SYN3: variants seen among roughly 807,000 people sequenced by gnomAD.
The protein encoded by SYN3 is synapsin III, also known as synapsin-3.
Under a neutral mutation model 65.8 loss-of-function variants are expected in SYN3, and 35 were observed. The observed-to-expected ratio is 0.53, with a 90% CI of 0.41 to 0.70. The LOEUF (loss-of-function observed/expected upper bound fraction) is 0.70. Ranked by LOEUF, SYN3 falls within the 30% of genes least tolerant of loss-of-function variation. The pLI is 0.00. For synonymous variants in SYN3, 270 were observed against 292.9 expected, an observed-to-expected ratio of 0.92 and a Z score of 0.80; for missense variants, 680 against 749.0, an observed-to-expected ratio of 0.91 and a Z score of 1.08.
intron 6 of SYN3, among the ~76,000 whole-genome samples, chr22:32,834,867 TC>T (rs2047684109): frequency 6.6e-6 from 1 of 152,082 alleles, no homozygotes; most frequent in South Asian, 2.1e-4. Flanking sequence ...TGTGGAACAG[TC>T]CTAAAGAATC....
At chr22:32,528,759 T>C in intron 11 of SYN3, 115 bp downstream of exon 11, 1 of 1,426,970 alleles carries the variant, frequency 7.0e-7, no homozygotes, top group Non-Finnish European at 9.5e-7. Context: ...CCATTCCTTC[T>C]CCCCAAGGTG....
chr22:32,760,474 G>A (rs963528378), intron 6 of SYN3, among the ~76,000 whole-genome samples: 7 of 152,116 alleles, frequency 4.6e-5, no homozygotes, highest in Non-Finnish European at 8.8e-5. Context: ...GGTAAGTAAT[G>A]TCATGTGCCC....
At chr22:32,929,053 C>T (rs1386075434) in intron 4 of SYN3, among the ~76,000 whole-genome samples, 4 of 152,132 alleles carry the variant, frequency 2.6e-5, no homozygotes, top group Non-Finnish European at 5.9e-5. Flanking sequence ...GAGGCCAAGG[C>T]CGGGGGATCT....
intron 5 of SYN3, among the ~76,000 whole-genome samples, chr22:32,867,634 G>A (rs1422932331): frequency 6.6e-6 from 1 of 152,190 alleles, no homozygotes; most frequent in Admixed American, 6.5e-5. Flanking sequence ...CCAGGCTGGA[G>A]CGCAGTGGCG....
At chr22:32,793,111 C>T (rs2097601444) in intron 6 of SYN3, among the ~76,000 whole-genome samples, 1 of 152,146 alleles carries the variant, frequency 6.6e-6, no homozygotes, top group Non-Finnish European at 1.5e-5. Flanking sequence ...TGCCAAGTTC[C>T]CTTCTCTTTT....
chr22:32,699,317 G>A (rs566626955), intron 6 of SYN3, among the ~76,000 whole-genome samples: 6 of 152,336 alleles, frequency 3.9e-5, no homozygotes, highest in South Asian at 4.1e-4. Flanking sequence ...CACATGGGCC[G>A]TTGGGCTCCC....
intron 6 of SYN3, among the ~76,000 whole-genome samples, chr22:32,683,681 A>G (rs1277193820): frequency 6.6e-6 from 1 of 152,108 alleles, no homozygotes; most frequent in African/African-American, 2.4e-5. Flanking sequence ...TAAGGACAAC[A>G]GTGATATTGT....
intron 6 of SYN3, among the ~76,000 whole-genome samples, chr22:32,736,552 A>G (rs1168148799): frequency 6.6e-6 from 1 of 152,160 alleles, no homozygotes; most frequent in African/African-American, 2.4e-5. Context: ...GGGTCCCCAC[A>G]ATGATCTTAT....
intron 4 of SYN3, among the ~76,000 whole-genome samples, chr22:32,895,662 C>A (rs2049572072): frequency 6.6e-6 from 1 of 152,184 alleles, no homozygotes; most frequent in Admixed American, 6.5e-5. Flanking sequence ...CTGTTACTTG[C>A]AGCTAAAAGC....
intron 3 of SYN3, among the ~76,000 whole-genome samples, chr22:32,977,000 G>C (rs564879361): frequency 9.2e-5 from 14 of 151,984 alleles, no homozygotes; most frequent in African/African-American, 2.9e-4. Context: ...TTCCTGGGGG[G>C]GGGGTTGCTT....
chr22:32,647,190 C>G (rs1416191960), intron 6 of SYN3, among the ~76,000 whole-genome samples: 2 of 152,148 alleles, frequency 1.3e-5, no homozygotes, highest in Non-Finnish European at 2.9e-5. Flanking sequence ...TGCCCCTCTG[C>G]ATGTCTATGA....
At chr22:32,913,462 C>A (rs1220318839) in intron 4 of SYN3, among the ~76,000 whole-genome samples, 1 of 151,500 alleles carries the variant, frequency 6.6e-6, no homozygotes. Flanking sequence ...ACAGCCAAGT[C>A]TATTATTTTT....
At chr22:32,840,914 C>A (rs140655869) in intron 6 of SYN3, among the ~76,000 whole-genome samples, 2 of 152,312 alleles carry the variant, frequency 1.3e-5, no homozygotes, top group African/African-American at 4.8e-5. Context: ...CCTTATGTAT[C>A]TCTCTATCCC....
chr22:32,611,803 G>A (rs1051179920), intron 6 of SYN3, among the ~76,000 whole-genome samples: 1 of 152,164 alleles, frequency 6.6e-6, no homozygotes, highest in African/African-American at 2.4e-5. Flanking sequence ...CTGAGTGACA[G>A]GGGTGCTGGG....
intron 1 of SYN3, among the ~76,000 whole-genome samples, chr22:33,044,446 C>G (rs1370983224): frequency 6.6e-6 from 1 of 152,170 alleles, no homozygotes; most frequent in African/African-American, 2.4e-5. Context: ...ACTTTAGACT[C>G]ACAGACTCAT....
At chr22:32,734,308 C>T (rs2061308832) in intron 6 of SYN3, among the ~76,000 whole-genome samples, 1 of 152,222 alleles carries the variant, frequency 6.6e-6, no homozygotes, top group South Asian at 2.1e-4. Context: ...ACCTTATCCG[C>T]TCTATCATCT....
rs1375923477 is a variant in SYN3, at chr22:32,859,127, C to T, written c.711+5788G>A. ...TGAATCCAGGCTCGGTAGCCTCAGG[C>T]CTGGGCATACCATGGCAGAGTCCAT... On this transcript the variant is annotated intron_variant, in intron 6 of 13. Coordinates refer to ENST00000358763, the MANE Select transcript of SYN3 (RefSeq NM_003490.4). 6.2e-6 allele frequency: 10 copies of T among 1,600,318 alleles called. No homozygotes were observed. The South Asian group carries it at 9.9e-5, about 16-fold the overall frequency.
chr22:32,779,452 T>A lies in SYN3; in HGVS notation c.711+85463A>T, dbSNP rs1389170673. On this transcript the variant is annotated intron_variant, in intron 6 of 13. Transcript: ENST00000358763. ...TCCAGCCTGGGCAACAGCGTGAGAT[T>A]CTGTCTCGAAAAACAAAAACAAACA... 3.3e-5 allele frequency among the ~76,000 whole-genome samples: 5 copies of A among 151,912 alleles called. 1 individual carries two copies. The highest frequency in any genetic ancestry group is 3.3e-4 in the Admixed American group (5 of 15,274).
chr22:33,044,390 G>A (rs1027528688), intron 1 of SYN3, among the ~76,000 whole-genome samples: 9 of 152,082 alleles, frequency 5.9e-5, no homozygotes, highest in Non-Finnish European at 1.0e-4. Context: ...TTTCACCATG[G>A]CAGGCCCCCT....
Sources: allele counts gnomAD v4.1 joint callset (sites outside exome capture counted in the v4.1 genomes callset), GRCh38; gene constraint gnomAD v4.1.1; transcripts MANE v1.5; gene names NCBI Gene and HGNC (gene_info 2026-07-23, HGNC 2026-07-21).